NCKAP5: variants seen among roughly 807,000 people sequenced by gnomAD.
The protein encoded by NCKAP5 is NCK associated protein 5.
A neutral mutation model predicts 167.0 loss-of-function variants in NCKAP5; 92 were observed. The ratio of observed to expected loss-of-function variants is 0.55; its 90% CI spans 0.47 to 0.66. The LOEUF is 0.66. Ranked by LOEUF, NCKAP5 falls within the 30% of genes least tolerant of loss-of-function variation. The pLI is 0.00. For missense variants in NCKAP5, 2,378 were observed against 2,315.0 expected (o/e 1.03, Z -0.56); for synonymous variants, 891 against 877.4 (o/e 1.02, Z -0.27).
intron 16 of NCKAP5, among the ~76,000 whole-genome samples, chr2:132,732,723 T>C (rs189196035): frequency 8.5e-4 from 130 of 152,326 alleles, no homozygotes; most frequent in African/African-American, 3.0e-3. Context: ...TAATGAGTAA[T>C]GAGAACACAT....
At chr2:132,680,821 A>G (rs907743103) in intron 19 of NCKAP5, among the ~76,000 whole-genome samples, 2 of 152,188 alleles carry the variant, frequency 1.3e-5, no homozygotes, top group Admixed American at 1.3e-4. Flanking sequence ...GTTGGGATAA[A>G]ATTGTTATAA....
At chr2:133,442,799 G>A (rs1269932755) in intron 3 of NCKAP5, among the ~76,000 whole-genome samples, 7 of 152,220 alleles carry the variant, frequency 4.6e-5, no homozygotes, top group African/African-American at 1.4e-4. Flanking sequence ...GTGCCAGACA[G>A]CCTCATGTCA....
intron 16 of NCKAP5, among the ~76,000 whole-genome samples, chr2:132,764,139 T>G (rs1240523742): frequency 6.6e-6 from 1 of 152,158 alleles, no homozygotes; most frequent in Non-Finnish European, 1.5e-5. Flanking sequence ...AAAGCTTTAT[T>G]TGGTGATTGT....
intron 16 of NCKAP5, among the ~76,000 whole-genome samples, chr2:132,773,540 G>T (rs528639623): frequency 6.6e-6 from 1 of 152,172 alleles, no homozygotes; most frequent in Non-Finnish European, 1.5e-5. Flanking sequence ...ATAGAAACTG[G>T]ATTACTCAGT....
intron 11 of NCKAP5, among the ~76,000 whole-genome samples, chr2:132,840,136 C>A (rs372956085): frequency 5.1e-4 from 77 of 152,210 alleles, no homozygotes; most frequent in Non-Finnish European, 7.9e-4. Context: ...CACTAGTTGA[C>A]ATGGGGTTTT....
At chr2:132,738,014 A>C (rs1173821636) in intron 16 of NCKAP5, among the ~76,000 whole-genome samples, 1 of 152,178 alleles carries the variant, frequency 6.6e-6, no homozygotes, top group Non-Finnish European at 1.5e-5. Context: ...GGTGAATGAA[A>C]AACAATAAAC....
the NCKAP5 span, among the ~76,000 whole-genome samples, chr2:133,661,783 G>T: frequency 6.6e-6 from 1 of 152,100 alleles, no homozygotes; most frequent in African/African-American, 2.4e-5. Flanking sequence ...CCACAGTCTT[G>T]TTCATCTAGA....
intron 5 of NCKAP5, among the ~76,000 whole-genome samples, chr2:133,167,042 A>G (rs1462411265): frequency 6.6e-6 from 1 of 152,174 alleles, no homozygotes; most frequent in African/African-American, 2.4e-5. Context: ...AGCAACTTTC[A>G]GGTCTTAAGA....
At position 132,931,641 on chromosome 2, in the gene NCKAP5, T is replaced by A. The variant is rs549453178; in HGVS notation, c.579+32079A>T. On this transcript the variant is annotated intron_variant, in intron 8 of 19. Coordinates refer to ENST00000409261, the MANE Select transcript of NCKAP5 (RefSeq NM_207363.3). ...AAGTTCTGATTATGATGTTAAAAGA[T>A]CCTTGGAAAAAAGCTGCTCTGTACA... 5 of 152,286 alleles carry A rather than the reference T, an allele frequency of 3.3e-5. No homozygotes were observed. In the South Asian group the frequency reaches 1.0e-3, roughly 32 times the overall value. 9.4% of individuals were successfully genotyped at this position (152,286 alleles called of 1,614,324 possible).
chr2:132,742,443 T>C (rs949505046), intron 16 of NCKAP5, among the ~76,000 whole-genome samples: 1 of 151,988 alleles, frequency 6.6e-6, no homozygotes. Flanking sequence ...TAGCAACTGA[T>C]GAAAATTTTA....
At chr2:132,824,760 C>T (rs1002278926) in intron 11 of NCKAP5, among the ~76,000 whole-genome samples, 2 of 152,118 alleles carry the variant, frequency 1.3e-5, no homozygotes, top group African/African-American at 4.8e-5. Context: ...ATGTGAAACC[C>T]CCTCAGAGCT....
At chr2:132,954,511 T>C in intron 8 of NCKAP5, 1 of 360,966 alleles carries the variant, frequency 2.8e-6, no homozygotes, top group Non-Finnish European at 5.4e-6. Context: ...ATAAGAACAT[T>C]ATAATATTGA....
At chr2:132,717,929 G>T (rs1689527024) in intron 19 of NCKAP5, among the ~76,000 whole-genome samples, 1 of 152,146 alleles carries the variant, frequency 6.6e-6, no homozygotes, top group South Asian at 2.1e-4. Context: ...GCCCTTTGTT[G>T]TGGTGATCTA....
Position 132,973,726 on chromosome 2 carries a change from GA to G in NCKAP5, c.430-9858del, listed in dbSNP as rs774637661. ...ATCTTCCCATTTCCTCACCTTCTTG[GA>G]AAAAAAAAAACACAAAAAAACAAAA... On this transcript the variant is annotated intron_variant, in intron 7 of 19. Transcript: ENST00000409261. Among the ~76,000 whole-genome samples the G allele has an allele frequency of 2.6e-3, 371 of 141,142 alleles. 3 individuals are homozygous for G. Among genetic ancestry groups the G allele is most frequent in the Non-Finnish European group, 2.2e-3 (142 of 64,652 alleles). 92.6% of individuals were successfully genotyped at this position (141,142 alleles called of 152,430 possible).
At chr2:132,854,119 T>A (rs1689283603) in intron 11 of NCKAP5, among the ~76,000 whole-genome samples, 1 of 152,160 alleles carries the variant, frequency 6.6e-6, no homozygotes, top group Admixed American at 6.5e-5. Context: ...AAGGTTTTTG[T>A]CCCTAAGAAA....
rs1490213720 is a variant in NCKAP5 at position 132,854,600 on chromosome 2, C to T, written c.807+5892G>A. ...GCATGGCTTCCTCTGCTGGGCCTTC[C>T]CCAGGGCCCTCTGCAAGCGGAGCTA... On this transcript the variant is annotated intron_variant, in intron 11 of 19. Transcript: ENST00000409261. 2.6e-5 allele frequency among the ~76,000 whole-genome samples: 4 copies of T among 152,212 alleles called. No homozygotes were observed. In the East Asian group the frequency reaches 5.8e-4, roughly 22 times the overall value.
At chr2:132,897,657 C>A (rs955463536) in intron 8 of NCKAP5, among the ~76,000 whole-genome samples, 1 of 152,154 alleles carries the variant, frequency 6.6e-6, no homozygotes, top group Non-Finnish European at 1.5e-5. Context: ...TTCCAGATCA[C>A]CGCAATAAAG....
intron 19 of NCKAP5, among the ~76,000 whole-genome samples, chr2:132,678,120 G>A (rs1684738265): frequency 6.6e-6 from 1 of 152,024 alleles, no homozygotes; most frequent in Admixed American, 6.5e-5. Flanking sequence ...TGAAGAGGTG[G>A]AAAATATGTA....
intron 7 of NCKAP5, among the ~76,000 whole-genome samples, chr2:132,990,986 A>G (rs1301180387): frequency 6.6e-6 from 1 of 152,218 alleles, no homozygotes; most frequent in East Asian, 1.9e-4. Context: ...AGAAAGCGGA[A>G]AGGCCCAGGT....
Sources: gnomAD v4.1 joint callset for allele counts (sites outside exome capture counted in the v4.1 genomes callset) on GRCh38, gnomAD v4.1.1 for gene constraint, MANE v1.5 for transcripts, NCBI Gene and HGNC (gene_info 2026-07-23, HGNC 2026-07-21) for gene names.